SDK1: variants seen among roughly 807,000 people sequenced by gnomAD.
SDK1 encodes protein sidekick-1.
A neutral mutation model predicts 245.5 loss-of-function variants in SDK1; 157 were observed. That is an observed-to-expected ratio of 0.64 (90% CI 0.56 to 0.73). SDK1 has a LOEUF of 0.73. Among genes scored for constraint, SDK1 ranks in the 30% least tolerant of loss-of-function variants. The pLI is 0.00. For synonymous variants in SDK1, 1,647 were observed against 1,278.5 expected (o/e 1.29, Z -6.15); for missense variants, 3,583 against 3,002.3 (o/e 1.19, Z -4.52).
At chr7:3,501,303 G>A (rs527838144) in intron 1 of SDK1, among the ~76,000 whole-genome samples, 1 of 151,378 alleles carries the variant, frequency 6.6e-6, no homozygotes, top group African/African-American at 2.4e-5. Context: ...GCTATTAACT[G>A]TTTTTACTAT....
chr7:4,178,443 G>C, intron 34 of SDK1, 42 bp from the exon 35 acceptor site: 1 of 1,406,220 alleles, frequency 7.1e-7, no homozygotes, highest in African/African-American at 1.4e-5. Flanking sequence ...AAGAGAAGGT[G>C]GTCCTGGTGG....
chr7:3,414,744 A>C (rs188261235), intron 1 of SDK1, among the ~76,000 whole-genome samples: 3 of 151,660 alleles, frequency 2.0e-5, no homozygotes, highest in Admixed American at 1.3e-4. Flanking sequence ...AATTCCTCCT[A>C]CTCCTCCATT....
intron 1 of SDK1, among the ~76,000 whole-genome samples, chr7:3,463,535 G>A (rs1329524880): frequency 1.7e-5 from 2 of 116,722 alleles, no homozygotes; most frequent in Non-Finnish European, 3.3e-5. Context: ...AATGAAAAGT[G>A]CATAATTTAG....
At chr7:3,437,682 C>G (rs903753704) in intron 1 of SDK1, among the ~76,000 whole-genome samples, 1 of 152,082 alleles carries the variant, frequency 6.6e-6, no homozygotes, top group Non-Finnish European at 1.5e-5. Flanking sequence ...CTAGGAGTTT[C>G]AGGTTTCAGT....
intron 22 of SDK1, among the ~76,000 whole-genome samples, chr7:4,095,344 G>C (rs1274905268): frequency 2.6e-5 from 4 of 151,740 alleles, no homozygotes; most frequent in Non-Finnish European, 5.9e-5. Flanking sequence ...CTCTTCCTCA[G>C]CTCCCCCACA....
chr7:4,245,550 G>A (rs1217295641), intron 43 of SDK1, 126 bp from the exon 44 acceptor site: 5 of 1,119,384 alleles, frequency 4.5e-6, no homozygotes, highest in East Asian at 5.0e-5. Flanking sequence ...AGTTGCCAAA[G>A]TGATGTCAAA....
chr7:3,405,014 C>G (rs1001334653), intron 1 of SDK1, among the ~76,000 whole-genome samples: 2 of 152,006 alleles, frequency 1.3e-5, no homozygotes, highest in African/African-American at 4.8e-5. Flanking sequence ...CAGAACTGAA[C>G]TAACAGTTGC....
intron 1 of SDK1, among the ~76,000 whole-genome samples, chr7:3,381,607 G>A (rs903439462): frequency 2.6e-5 from 4 of 152,138 alleles, no homozygotes; most frequent in African/African-American, 9.7e-5. Flanking sequence ...GAGAGGAAGG[G>A]CCATTAAAGA....
At chr7:3,494,687 G>T (rs1050221700) in intron 1 of SDK1, among the ~76,000 whole-genome samples, 7 of 152,188 alleles carry the variant, frequency 4.6e-5, no homozygotes, top group African/African-American at 1.4e-4. Flanking sequence ...AAAGAAGTCA[G>T]AGAATATATT....
intron 44 of SDK1, among the ~76,000 whole-genome samples, chr7:4,248,725 C>T (rs945913721): frequency 6.6e-6 from 1 of 152,108 alleles, no homozygotes; most frequent in Non-Finnish European, 1.5e-5. Context: ...CGCACACGCA[C>T]ATACCCAAAT....
chr7:4,175,357 G>A (rs867510357), intron 33 of SDK1, among the ~76,000 whole-genome samples: 5 of 152,214 alleles, frequency 3.3e-5, no homozygotes, highest in South Asian at 2.1e-4. Context: ...CTGGGCTTAC[G>A]CACCTGGTCG....
chr7:3,961,421 C>T (rs1012256071), intron 8 of SDK1, among the ~76,000 whole-genome samples: 1 of 152,204 alleles, frequency 6.6e-6, no homozygotes, highest in South Asian at 2.1e-4. Context: ...CTCACACCTA[C>T]CCACACGCCA....
intron 5 of SDK1, among the ~76,000 whole-genome samples, chr7:3,837,622 G>C (rs951924343): frequency 1.3e-5 from 2 of 152,170 alleles, no homozygotes; most frequent in African/African-American, 2.4e-5. Flanking sequence ...TTGGCCTGTT[G>C]CTTCTACATT....
intron 1 of SDK1, among the ~76,000 whole-genome samples, chr7:3,613,232 G>T (rs561322222): frequency 1.3e-5 from 2 of 152,292 alleles, no homozygotes; most frequent in South Asian, 4.2e-4. Context: ...GACGCAGGAT[G>T]AGGTAGTAGG....
rs1395369223 is a variant in SDK1, at chr7:3,571,673, A to G, written c.299-47407A>G. On this transcript the variant is annotated intron_variant, in intron 1 of 44. Transcript: ENST00000404826. ...AGCTCCACATCTTTTAACGATTATT[A>G]CTATTTGATCTAAAACCTTTTTGAA... is the stretch of plus-strand genomic sequence containing the variant. Among the ~76,000 whole-genome samples the G allele has an allele frequency of 2.0e-5, 3 of 152,060 alleles. 1 individual carries two copies. The highest frequency in any genetic ancestry group is 4.4e-5 in the Non-Finnish European group (3 of 67,984).
intron 5 of SDK1, among the ~76,000 whole-genome samples, chr7:3,852,165 T>C (rs112610413): frequency 8.6e-5 from 13 of 150,494 alleles, no homozygotes; most frequent in African/African-American, 2.9e-4. Flanking sequence ...TGGACGAGAG[T>C]GTGGGTCTAG....
At chr7:4,169,237 T>C (rs987283177) in intron 32 of SDK1, among the ~76,000 whole-genome samples, 1 of 152,186 alleles carries the variant, frequency 6.6e-6, no homozygotes, top group African/African-American at 2.4e-5. Context: ...CTCCGGTGGA[T>C]TGGAGGAAGC....
At chr7:3,904,616 C>T (rs1781899253) in intron 5 of SDK1, among the ~76,000 whole-genome samples, 1 of 152,098 alleles carries the variant, frequency 6.6e-6, no homozygotes, top group African/African-American at 2.4e-5. Context: ...ATGGCTTCAG[C>T]CCGGAAGATC....
intron 4 of SDK1, among the ~76,000 whole-genome samples, chr7:3,672,384 T>C (rs996236475): frequency 5.3e-5 from 8 of 151,456 alleles, no homozygotes; most frequent in African/African-American, 1.9e-4. Flanking sequence ...TTACTGGAGG[T>C]AAGCCAACAT....
Sources: allele counts gnomAD v4.1 joint callset (sites outside exome capture counted in the v4.1 genomes callset), GRCh38; gene constraint gnomAD v4.1.1; transcripts MANE v1.5; gene names NCBI Gene and HGNC (gene_info 2026-07-23, HGNC 2026-07-21).